The following WDR83 variants were observed in gnomAD, a reference collection of about 807,000 sequenced individuals.
WDR83 encodes the protein WD repeat domain 83.
WDR83 carries 37 observed loss-of-function variants against 37.7 expected under a neutral mutation model. The ratio of observed to expected loss-of-function variants is 0.98; its 90% CI spans 0.76 to 1.29. The LOEUF is 1.29. Among genes scored for constraint, WDR83 ranks in the 50% most tolerant of loss-of-function variants. The probability of loss-of-function intolerance (pLI) is 0.00; values close to 1 mark genes in which losing one functional copy is unlikely to be tolerated. For synonymous variants in WDR83, 174 were observed against 181.1 expected (o/e 0.96, Z 0.31); for missense variants, 445 against 414.4 (o/e 1.07, Z -0.64).
At position 12,666,936 on chromosome 19, in the gene WDR83, T is replaced by C; in HGVS notation, c.-213T>C. The C allele has an allele frequency of 1.7e-6, 1 of 572,700 alleles. No homozygotes were observed. The highest frequency in any genetic ancestry group is 3.1e-6 in the Non-Finnish European group (1 of 323,496). 35.5% of individuals were successfully genotyped at this position (572,700 alleles called of 1,614,324 possible). On this transcript the variant is annotated 5_prime_UTR_variant, in exon 1 of 11. It removes an upstream start codon present in the reference 5' UTR. Transcript: ENST00000418543. The stretch of plus-strand genomic sequence containing the variant: ...GGTGACACTGGCGTCTCACGGGCTA[T>C]GAAGACGGAATGCCTCTTAATGCCG...
chr19:12,673,098 CAG>C lies in WDR83; in HGVS notation c.666_667del (p.Glu224AlafsTer9), dbSNP rs1296119001. The C allele has an allele frequency of 6.2e-6, 10 of 1,612,976 alleles. No homozygotes were observed. Among genetic ancestry groups the C allele is most frequent in the East Asian group, 4.5e-5 (2 of 44,848 alleles). ...ACATTGCGGCTCCTGGACAAAGACA[CAG>C]GGGAGCTGCTGGGCGAGTGAGTCCT... is the stretch of plus-strand genomic sequence containing the variant. On this transcript the variant is annotated frameshift_variant, in exon 9 of 11. Coordinates refer to ENST00000418543, the MANE Select transcript of WDR83 (RefSeq NM_001099737.3). LOFTEE classifies it high-confidence loss of function.
At chr19:12,669,404 A>G (rs759762570) in intron 2 of WDR83, 2 of 1,594,564 alleles carry the variant, frequency 1.3e-6, no homozygotes, top group Non-Finnish European at 8.5e-7. Flanking sequence ...TAGTGGACAT[A>G]GCGAGTCGAA....
intron 2 of WDR83, chr19:12,669,418 C>T (rs1361752867): frequency 6.3e-7 from 1 of 1,588,016 alleles, no homozygotes; most frequent in Non-Finnish European, 8.6e-7. Flanking sequence ...AGTCGAAGGC[C>T]AGATCACGCC....
chr19:12,670,883 G>C, intron 7 of WDR83, 62 bp downstream of exon 7: 2 of 1,566,782 alleles, frequency 1.3e-6, no homozygotes, highest in East Asian at 4.8e-5. Context: ...CTGCCCCCAT[G>C]CTCAGATTAA....
In WDR83 at chr19:12,675,777, G is replaced by A. The variant is rs560866055; in HGVS notation, c.*105G>A. ...GTAGCTGACCAAAAAGTAGGGGAGG[G>A]GCTGGGTCTGCAAATTAATAAATAG... On this transcript the variant is annotated 3_prime_UTR_variant, in exon 11 of 11. Transcript: ENST00000418543. 1.9e-6 allele frequency: 3 copies of A among 1,565,960 alleles called. No individual in the cohort carries two copies. Among genetic ancestry groups the A allele is most frequent in the African/African-American group, 1.4e-5 (1 of 73,368 alleles).
Position 12,670,631 on chromosome 19 carries a change from A to C in WDR83, c.379+20A>C, listed in dbSNP as rs914714111. ...TGTCCGGTGAGTCTGGGGCCTAAGC[A>C]CGGGGGCCCAGGGTGCTGCCCTCCC... is the stretch of plus-strand genomic sequence containing the variant. On this transcript the variant is annotated intron_variant, in intron 6 of 10. Transcript: ENST00000418543. The C allele has an allele frequency of 6.2e-7, 1 of 1,614,214 alleles. No individual in the cohort carries two copies. Among genetic ancestry groups the C allele is most frequent in the Admixed American group, 1.7e-5 (1 of 60,016 alleles).
chr19:12,667,033 C>T, intron 1 of WDR83, 41 bp downstream of exon 1: 1 of 412,496 alleles, frequency 2.4e-6, no homozygotes, highest in Non-Finnish European at 4.4e-6. Flanking sequence ...CCGGGTTTTC[C>T]TAGCCGGTGT....
chr19:12,674,666 A>C (rs1396103553), intron 10 of WDR83, among the ~76,000 whole-genome samples: 2 of 152,172 alleles, frequency 1.3e-5, no homozygotes, highest in African/African-American at 4.8e-5. Flanking sequence ...TGGGGCTGCC[A>C]AATGGACAGG....
chr19:12,674,017 G>A (rs1250896310), intron 10 of WDR83, among the ~76,000 whole-genome samples: 2 of 152,142 alleles, frequency 1.3e-5, no homozygotes, highest in African/African-American at 2.4e-5. Context: ...GAGAGAAGAT[G>A]AGGCAGGAAG....
rs746668769 is a variant in WDR83 at position 12,670,524 on chromosome 19, CA to C, written c.331-36del. 1.9e-6 allele frequency: 3 copies of C among 1,614,108 alleles called. No individual in the cohort carries two copies. In the East Asian group the frequency reaches 6.7e-5, roughly 36 times the overall value. Reference sequence around the variant, plus strand: ...GAACCCTGCCTTTATCCCAGTCCTCCAAAGTCCAGCCTCCTCTGAGTGGCAA... The same window carrying C: ...GAACCCTGCCTTTATCCCAGTCCTCCAAGTCCAGCCTCCTCTGAGTGGCAA... On this transcript the variant is annotated intron_variant, in intron 5 of 10. Coordinates refer to ENST00000418543, the MANE Select transcript of WDR83 (RefSeq NM_001099737.3).
At chr19:12,669,326 C>T (rs1215782246) in intron 2 of WDR83, 1 of 1,605,546 alleles carries the variant, frequency 6.2e-7, no homozygotes, top group Admixed American at 1.7e-5. Context: ...ACAACCCGAA[C>T]CCGTGCCCAC....
chr19:12,669,757 C>A lies in WDR83; in HGVS notation c.-34C>A, dbSNP rs202215314. On this transcript the variant is annotated splice_region_variant and 5_prime_UTR_variant, in exon 3 of 11. Coordinates refer to ENST00000418543, the MANE Select transcript of WDR83 (RefSeq NM_001099737.3). Reference sequence around the variant, plus strand: ...AAGGCGCGGAATTTTCCGTACAGACCGATTTAAGGCTGCAAGGAAGGAGTC... The same window carrying A: ...AAGGCGCGGAATTTTCCGTACAGACAGATTTAAGGCTGCAAGGAAGGAGTC... 18 of 1,548,798 alleles carry A rather than the reference C, an allele frequency of 1.2e-5. No individual in the cohort carries two copies. The highest frequency in any genetic ancestry group is 1.5e-5 in the Non-Finnish European group (17 of 1,148,060).
At chr19:12,669,102 A>T in intron 2 of WDR83, 3 of 1,609,332 alleles carry the variant, frequency 1.9e-6, no homozygotes, top group Non-Finnish European at 2.6e-6. Flanking sequence ...GTCCAACTAC[A>T]CCCATAGAAG....
chr19:12,668,463 G>C, intron 1 of WDR83, 45 bp from the exon 2 acceptor site: 1 of 1,613,156 alleles, frequency 6.2e-7, no homozygotes, highest in South Asian at 1.1e-5. Context: ...GGATGGCCAG[G>C]CTGGGGTCCC....
At position 12,669,844 on chromosome 19, in the gene WDR83, G is replaced by T. The variant is rs763145158; in HGVS notation, c.54G>T (p.Leu18Phe). 27 of 1,612,250 alleles carry T rather than the reference G, an allele frequency of 1.7e-5. No individual in the cohort carries two copies. The highest frequency in any genetic ancestry group is 2.0e-5 in the Non-Finnish European group (24 of 1,179,178). The change falls in exon 3 of 11, where the codon TTG becomes TTT. Residue 18 changes from leucine to phenylalanine, a missense_variant. Coordinates refer to ENST00000418543, the MANE Select transcript of WDR83 (RefSeq NM_001099737.3). ...PRPPELPQKR[L>F]KTLDCGQGAV... Reference sequence around the variant, plus strand: ...CTCCAGAGCTGCCGCAGAAACGGTTGAAGACGCTGGACTGCGGGCAGGGGG... The same window carrying T: ...CTCCAGAGCTGCCGCAGAAACGGTTTAAGACGCTGGACTGCGGGCAGGGGG...
At position 12,675,408 on chromosome 19, in the gene WDR83, C is replaced by T. The variant is rs148556794; in HGVS notation, c.799-115C>T. The T allele has an allele frequency of 8.8e-5, 126 of 1,433,846 alleles. No individual in the cohort carries two copies. In the African/African-American group the frequency reaches 1.1e-3, roughly 12 times the overall value. The allele number at this position is 1,433,846 out of a possible 1,614,324, so 88.8% of individuals were successfully genotyped here. A position where few individuals can be genotyped will look rare whatever the true frequency, so the allele number is the denominator to read the frequency against. On this transcript the variant is annotated intron_variant, in intron 10 of 10. Coordinates refer to ENST00000418543, the MANE Select transcript of WDR83 (RefSeq NM_001099737.3). ...CAATTAGAGGCAGGTGGCTGAAGGT[C>T]GGGGAGAGGTGACTGAGGGCTTCAG...
In WDR83 at chr19:12,666,903, G is replaced by A. The variant is rs1023925834; in HGVS notation, c.-246G>A. Reference sequence around the variant, plus strand: ...AAATGCCACCCTCAGGGCACTGGTTGGGCTAAAGGTGACACTGGCGTCTCA... The same window carrying A: ...AAATGCCACCCTCAGGGCACTGGTTAGGCTAAAGGTGACACTGGCGTCTCA... On this transcript the variant is annotated 5_prime_UTR_variant, in exon 1 of 11. Coordinates refer to ENST00000418543, the MANE Select transcript of WDR83 (RefSeq NM_001099737.3). The A allele has an allele frequency of 1.7e-6, 1 of 588,754 alleles. No individual in the cohort carries two copies. The highest frequency in any genetic ancestry group is 1.9e-5 in the African/African-American group (1 of 52,450). The allele number at this position is 588,754 out of a possible 1,614,324, so 36.5% of individuals were successfully genotyped here.
At chr19:12,675,108 A>C (rs1369625017) in intron 10 of WDR83, among the ~76,000 whole-genome samples, 1 of 146,420 alleles carries the variant, frequency 6.8e-6, no homozygotes, top group Non-Finnish European at 1.5e-5. Context: ...GCAAGACTCC[A>C]TCTCAAAAAA....
Position 12,668,621 on chromosome 19 carries a change from G to A in WDR83, c.-43G>A, listed in dbSNP as rs2024323458. The A allele has an allele frequency of 3.7e-6, 6 of 1,613,676 alleles. No individual in the cohort carries two copies. The highest frequency in any genetic ancestry group is 2.2e-5 in the East Asian group (1 of 44,880). ...CGACCCAAGCACACCACTTCAGCTAGGGAAAGGTAAGTGGGTGGGCAGGTT... is the reference window on the plus strand; with the variant it reads ...CGACCCAAGCACACCACTTCAGCTAAGGAAAGGTAAGTGGGTGGGCAGGTT... On this transcript the variant is annotated 5_prime_UTR_variant, in exon 2 of 11. Transcript: ENST00000418543.
Sources: gnomAD v4.1 joint callset for allele counts (sites outside exome capture counted in the v4.1 genomes callset) on GRCh38, gnomAD v4.1.1 for gene constraint, MANE v1.5 for transcripts, NCBI Gene and HGNC (gene_info 2026-07-23, HGNC 2026-07-21) for gene names.